CNOT4: variants seen among roughly 807,000 people sequenced by gnomAD.
CNOT4 encodes the protein CCR4-NOT transcription complex subunit 4.
Under a neutral mutation model 73.8 loss-of-function variants are expected in CNOT4, and 8 were observed. The ratio of observed to expected loss-of-function variants is 0.11; its 90% CI spans 0.06 to 0.20. The LOEUF (loss-of-function observed/expected upper bound fraction) is 0.20. Ranked by LOEUF, CNOT4 falls within the 10% of genes least tolerant of loss-of-function variation. CNOT4 has a pLI of 1.00. For synonymous variants in CNOT4, 293 were observed against 321.1 expected (o/e 0.91, Z 0.94); for missense variants, 564 against 883.4 (o/e 0.64, Z 4.58).
At chr7:135,376,892 T>G (rs1167012909) in intron 10 of CNOT4, among the ~76,000 whole-genome samples, 1 of 152,224 alleles carries the variant, frequency 6.6e-6, no homozygotes, top group African/African-American at 2.4e-5. Context: ...TTTTAGAAAG[T>G]ATTTTTTAGG....
intron 1 of CNOT4, among the ~76,000 whole-genome samples, chr7:135,472,540 T>A (rs180828227): frequency 1.5e-5 from 1 of 65,316 alleles, no homozygotes; most frequent in African/African-American, 7.5e-5. Context: ...TATATATATA[T>A]ATATATATAT....
At chr7:135,414,308 AAG>A in intron 5 of CNOT4, 21 bp downstream of exon 5, 1 of 853,394 alleles carries the variant, frequency 1.2e-6, no homozygotes, top group Non-Finnish European at 1.9e-6. Flanking sequence ...AAAAAAAAAA[AAG>A]AATCAAGAGG....
intron 1 of CNOT4, among the ~76,000 whole-genome samples, chr7:135,441,897 T>C (rs1563052665): frequency 6.6e-6 from 1 of 152,144 alleles, no homozygotes. Flanking sequence ...AGATAGTTAA[T>C]ACAAAAGTAA....
At position 135,479,889 on chromosome 7, in the gene CNOT4, C is replaced by CA. The variant is rs932214735; in HGVS notation, c.-93+29999dup. Among the ~76,000 whole-genome samples, 16 of 151,476 alleles carry CA rather than the reference C, an allele frequency of 1.1e-4. 1 individual carries two copies. The highest frequency in any genetic ancestry group is 1.9e-4 in the Non-Finnish European group (13 of 67,900). On this transcript the variant is annotated intron_variant, in intron 1 of 11. Transcript: ENST00000541284. ...TGGGTGACAGAGTGAGAACTTACAT[C>CA]AAAAAAACAAAACAAAACAAAAAGA... is the stretch of plus-strand genomic sequence containing the variant.
intron 1 of CNOT4, among the ~76,000 whole-genome samples, chr7:135,440,924 A>AG (rs1799440941): frequency 6.6e-6 from 1 of 152,162 alleles, no homozygotes; most frequent in Admixed American, 6.5e-5. Context: ...AAAAAAAAAA[A>AG]AAGAGTAGAA....
intron 10 of CNOT4, chr7:135,388,506 C>G: frequency 9.8e-7 from 1 of 1,019,220 alleles, no homozygotes; most frequent in East Asian, 8.4e-5. Flanking sequence ...ACAATTCTAG[C>G]TAATCTCACC....
In CNOT4 at chr7:135,394,197, C is replaced by T; in HGVS notation, c.1348G>A (p.Gly450Ser). The T allele has an allele frequency of 6.2e-7, 1 of 1,614,140 alleles. No individual in the cohort carries two copies. The highest frequency in any genetic ancestry group is 1.6e-4 in the Middle Eastern group (1 of 6,062). ...GCAGCAGGATGCAGGAATCCAGAGC[C>T]TGGACCTTTGGCGGTTGTAGTGTGT... ...SSHTTTAKGP[G>S]SGFLHPAAAT... Residue 450 changes from glycine to serine, a missense_variant, in exon 10 of 12, where the codon GGC (glycine) becomes AGC (serine). Physicochemically the swap from Gly to Ser is moderately conservative, Grantham distance 56. Around this residue, in one of 10 missense-constraint regions of CNOT4, gnomAD observed 153 missense variants for 158.7 expected, o/e 0.96. Coordinates refer to ENST00000541284, the MANE Select transcript of CNOT4 (RefSeq NM_001190850.2).
At chr7:135,470,602 C>T (rs1297521286) in intron 1 of CNOT4, among the ~76,000 whole-genome samples, 1 of 150,022 alleles carries the variant, frequency 6.7e-6, no homozygotes, top group African/African-American at 2.4e-5. Context: ...TGTCCATCAA[C>T]ATGTAAATGA....
chr7:135,487,854 C>A (rs1802833674), intron 1 of CNOT4, among the ~76,000 whole-genome samples: 1 of 152,178 alleles, frequency 6.6e-6, no homozygotes, highest in Non-Finnish European at 1.5e-5. Context: ...GAGATCGAGA[C>A]CACCCTGGCT....
rs1218815307 is a variant in CNOT4 at position 135,394,300 on chromosome 7, T to C, written c.1245A>G (p.Leu415=). Residue 415 remains leucine (L), a synonymous_variant, in exon 10 of 12, where the codon TTA becomes TTG. Coordinates refer to ENST00000541284, the MANE Select transcript of CNOT4 (RefSeq NM_001190850.2). ...ACAGTTCCTTCTCAATCAGGTCTGC[T>C]AAGGCTTTTCGAGTGACATCGAAGG... ...FDPFDVTRKA[L]ADLIEKELSV... 20 of 1,614,058 alleles carry C rather than the reference T, an allele frequency of 1.2e-5. No individual in the cohort carries two copies. In the Admixed American group the frequency reaches 1.3e-4, roughly 11 times the overall value.
At chr7:135,470,478 A>C (rs1346665052) in intron 1 of CNOT4, among the ~76,000 whole-genome samples, 1 of 151,868 alleles carries the variant, frequency 6.6e-6, no homozygotes, top group Non-Finnish European at 1.5e-5. Flanking sequence ...AAAGAACCTC[A>C]ATGTCCACCT....
chr7:135,464,663 A>G lies in CNOT4; in HGVS notation c.-92-26240T>C, dbSNP rs896095759. 4.6e-5 allele frequency among the ~76,000 whole-genome samples: 7 copies of G among 152,238 alleles called. No homozygotes were observed. In the South Asian group the frequency reaches 1.5e-3, roughly 32 times the overall value. On this transcript the variant is annotated intron_variant, in intron 1 of 11. Transcript: ENST00000541284. ...AACCTTATCATGTGCCCCCAAACCT[A>G]AAAGTTTTTAAAAAAACTGTGATAA...
At position 135,362,016 on chromosome 7, in the gene CNOT4, C is replaced by T. The variant is rs1399992388; in HGVS notation, c.*869G>A. 2 of 152,528 alleles carry T rather than the reference C, an allele frequency of 1.3e-5. No individual in the cohort carries two copies. Among genetic ancestry groups the T allele is most frequent in the African/African-American group, 4.8e-5 (2 of 41,354 alleles). 9.4% of individuals were successfully genotyped at this position (152,528 alleles called of 1,614,324 possible). The stretch of plus-strand genomic sequence containing the variant: ...TGCTCCCGATGGTGATCAGATGGCC[C>T]CAGAGCAGTGCTATCTCAGAGTGCC... On this transcript the variant is annotated 3_prime_UTR_variant, in exon 12 of 12. Transcript: ENST00000541284.
At position 135,462,243 on chromosome 7, in the gene CNOT4, TA is replaced by T. The variant is rs879521774; in HGVS notation, c.-92-23821del. ...ACTTCAGCAGAGTGTGGAGTGCTTC[TA>T]AAAAAAAAAAAATCTATGTTTTTAG... On this transcript the variant is annotated intron_variant, in intron 1 of 11. Coordinates refer to ENST00000541284, the MANE Select transcript of CNOT4 (RefSeq NM_001190850.2). Among the ~76,000 whole-genome samples, 874 of 145,008 alleles carry T rather than the reference TA, an allele frequency of 6.0e-3. 8 individuals carry two copies. Among genetic ancestry groups the T allele is most frequent in the African/African-American group, 0.017 (668 of 39,868 alleles).
intron 1 of CNOT4, among the ~76,000 whole-genome samples, chr7:135,489,969 G>A (rs1802998891): frequency 6.6e-6 from 1 of 152,152 alleles, no homozygotes; most frequent in South Asian, 2.1e-4. Context: ...AGAAAAGAAT[G>A]TAAACAGATA....
intron 1 of CNOT4, among the ~76,000 whole-genome samples, chr7:135,486,394 ACTGGTAACACC>A (rs1802722403): frequency 6.6e-6 from 1 of 152,180 alleles, no homozygotes; most frequent in Non-Finnish European, 1.5e-5. Flanking sequence ...CAATGAAAAA[ACTGGTAACACC>A]CTATCTGGCT....
chr7:135,448,144 G>GT (rs1373269516), intron 1 of CNOT4, among the ~76,000 whole-genome samples: 2 of 152,096 alleles, frequency 1.3e-5, no homozygotes. Flanking sequence ...GCAAATAATT[G>GT]TAACAAGCCC....
At position 135,417,456 on chromosome 7, in the gene CNOT4, TCATG is replaced by T. The variant is rs1365730203; in HGVS notation, c.373-2198_373-2195del. 2.0e-5 allele frequency among the ~76,000 whole-genome samples: 3 copies of T among 152,220 alleles called. No homozygotes were observed. The East Asian group carries it at 5.8e-4, about 29-fold the overall frequency. ...CAAATTATATTATCAAGAAGTCATTTCATGAAAGTCAAGGGGTGTTACATTCGTT... is the reference window on the plus strand; with the variant it reads ...CAAATTATATTATCAAGAAGTCATTTAAAGTCAAGGGGTGTTACATTCGTT... On this transcript the variant is annotated intron_variant, in intron 3 of 11. Coordinates refer to ENST00000541284, the MANE Select transcript of CNOT4 (RefSeq NM_001190850.2).
chr7:135,426,644 T>G (rs1166806914), intron 2 of CNOT4, among the ~76,000 whole-genome samples: 1 of 150,186 alleles, frequency 6.7e-6, no homozygotes, highest in Non-Finnish European at 1.5e-5. Flanking sequence ...AAATACAGGC[T>G]GGGTGCAGTG....
Sources: gnomAD v4.1 joint callset for allele counts (sites outside exome capture counted in the v4.1 genomes callset) on GRCh38, gnomAD v4.1.1 for gene constraint, gnomAD v4.1.1 regional missense constraint, MANE v1.5 for transcripts, NCBI Gene and HGNC (gene_info 2026-07-23, HGNC 2026-07-21) for gene names.